MYH10: variants seen among roughly 807,000 people sequenced by gnomAD.
MYH10 encodes myosin heavy chain 10.
In MYH10, 55 loss-of-function variants were observed where a neutral mutation model predicts 257.8. The observed-to-expected ratio is 0.21, with a 90% CI of 0.17 to 0.27. The LOEUF (loss-of-function observed/expected upper bound fraction) is 0.27, where lower values mean the gene tolerates loss of function less well. MYH10 is among the 10% of genes least tolerant of loss of function. The pLI is 1.00. For missense variants in MYH10, 1,631 were observed against 2,500.6 expected, an observed-to-expected ratio of 0.65 and a Z score of 7.42; for synonymous variants, 854 against 921.7, an observed-to-expected ratio of 0.93 and a Z score of 1.33.
At chr17:8,607,409 A>G (rs1406496918) in intron 2 of MYH10, among the ~76,000 whole-genome samples, 2 of 152,260 alleles carry the variant, frequency 1.3e-5, no homozygotes, top group Non-Finnish European at 2.9e-5. Context: ...GAGGACTACA[A>G]TAAGAGAGAA....
intron 7 of MYH10, among the ~76,000 whole-genome samples, chr17:8,565,944 A>G (rs550577619): frequency 1.1e-4 from 17 of 152,366 alleles, no homozygotes; most frequent in African/African-American, 3.8e-4. Flanking sequence ...ACCTTAATTT[A>G]GACTATAATT....
At chr17:8,522,585 C>T (rs891637069) in intron 17 of MYH10, among the ~76,000 whole-genome samples, 1 of 152,210 alleles carries the variant, frequency 6.6e-6, no homozygotes, top group Non-Finnish European at 1.5e-5. Context: ...TCCCTCTTCA[C>T]TTGCCCCAGC....
At chr17:8,479,793 A>T (rs1388965515) in intron 40 of MYH10, among the ~76,000 whole-genome samples, 2 of 152,218 alleles carry the variant, frequency 1.3e-5, no homozygotes, top group Non-Finnish European at 2.9e-5. Context: ...CTGGCAGCAA[A>T]TTAGCATTTC....
intron 2 of MYH10, among the ~76,000 whole-genome samples, chr17:8,607,108 T>C (rs964625784): frequency 2.0e-5 from 3 of 152,364 alleles, no homozygotes; most frequent in African/African-American, 7.2e-5. Flanking sequence ...GTTTAATTTA[T>C]ATAACGTTAA....
At chr17:8,531,174 T>C (rs149826368) in intron 16 of MYH10, among the ~76,000 whole-genome samples, 12 of 152,258 alleles carry the variant, frequency 7.9e-5, no homozygotes, top group African/African-American at 2.2e-4. Context: ...GAAAAATAAT[T>C]TGAATACAAA....
chr17:8,510,954 C>G (rs1319378034), intron 24 of MYH10, among the ~76,000 whole-genome samples: 1 of 145,030 alleles, frequency 6.9e-6, no homozygotes, highest in African/African-American at 2.6e-5. Context: ...ATAGATTACC[C>G]CATTTTATAT....
At chr17:8,543,706 T>C (rs1306174741) in intron 13 of MYH10, among the ~76,000 whole-genome samples, 1 of 152,144 alleles carries the variant, frequency 6.6e-6, no homozygotes, top group Non-Finnish European at 1.5e-5. Flanking sequence ...ACTCCTGACC[T>C]CGTGATCCAC....
chr17:8,491,498 G>A (rs960211325), intron 34 of MYH10, among the ~76,000 whole-genome samples: 1 of 152,190 alleles, frequency 6.6e-6, no homozygotes, highest in Non-Finnish European at 1.5e-5. Context: ...TGGCCAGATG[G>A]CCCATAGCAC....
chr17:8,610,765 T>C (rs59785656), intron 2 of MYH10, among the ~76,000 whole-genome samples: 5,734 of 152,300 alleles, frequency 0.038, 366 homozygotes, highest in African/African-American at 0.13. Flanking sequence ...CCCCTTGACC[T>C]TGGACTTCCC....
At chr17:8,608,792 T>C (rs1450861743) in intron 2 of MYH10, among the ~76,000 whole-genome samples, 5 of 151,930 alleles carry the variant, frequency 3.3e-5, no homozygotes, top group African/African-American at 7.3e-5. Context: ...CCCATCTTCC[T>C]CTGTCTATGA....
At chr17:8,489,745 A>ACACACACC (rs1258993754) in intron 35 of MYH10, among the ~76,000 whole-genome samples, 20 of 150,794 alleles carry the variant, frequency 1.3e-4, no homozygotes, top group African/African-American at 4.7e-4. Flanking sequence ...ACACACACAC[A>ACACACACC]CCCCAAATCC....
intron 4 of MYH10, among the ~76,000 whole-genome samples, chr17:8,582,331 G>A (rs1007870231): frequency 1.3e-5 from 2 of 152,136 alleles, no homozygotes; most frequent in Non-Finnish European, 2.9e-5. Context: ...TGAACAACAG[G>A]CCAAGACCTC....
intron 1 of MYH10, among the ~76,000 whole-genome samples, chr17:8,624,790 A>AT (rs1301106639): frequency 1.3e-5 from 2 of 152,254 alleles, no homozygotes; most frequent in Non-Finnish European, 2.9e-5. Context: ...ACAATGGCCC[A>AT]TAACTGTTAT....
At position 8,492,797 on chromosome 17, in the gene MYH10, C is replaced by T. The variant is rs761511370; in HGVS notation, c.4437G>A (p.Lys1479=). The stretch of plus-strand genomic sequence containing the variant: ...CCACCTGGTCAAACTTCTTCTGCTT[C>T]TTCTCCAAGTTGGAGGCGACCTGGC... ...HQRQVASNLE[K]KQKKFDQLLA... is the part of the protein sequence containing the mutation. Residue 1479 remains lysine, a synonymous_variant, in exon 33 of 43, where the codon AAG becomes AAA. Coordinates refer to ENST00000360416, the MANE Select transcript of MYH10 (RefSeq NM_001256012.3). 1.2e-6 allele frequency: 2 copies of T among 1,613,900 alleles called. No individual in the cohort carries two copies. The highest frequency in any genetic ancestry group is 1.3e-5 in the African/African-American group (1 of 75,046).
In MYH10 at chr17:8,547,863, G is replaced by C. The variant is rs1426228307; in HGVS notation, c.1159+450C>G. Among the ~76,000 whole-genome samples, 5 of 145,114 alleles carry C rather than the reference G, an allele frequency of 3.4e-5. No individual in the cohort carries two copies. The East Asian group carries it at 7.8e-4, about 23-fold the overall frequency. On this transcript the variant is annotated intron_variant, in intron 11 of 42. Coordinates refer to ENST00000360416, the MANE Select transcript of MYH10 (RefSeq NM_001256012.3). ...ATTTGGGTCACAAACTTTTGTTCCT[G>C]ACCAATGCAAATTTAAAACCATTTT... is the stretch of plus-strand genomic sequence containing the variant.
At chr17:8,625,613 G>A (rs984776359) in intron 1 of MYH10, among the ~76,000 whole-genome samples, 143 of 152,192 alleles carry the variant, frequency 9.4e-4, no homozygotes, top group Admixed American at 4.6e-4. Flanking sequence ...CCAAGTAGCT[G>A]GGATTACAGG....
intron 3 of MYH10, among the ~76,000 whole-genome samples, chr17:8,604,230 T>C (rs767067314): frequency 5.3e-5 from 8 of 152,214 alleles, no homozygotes; most frequent in African/African-American, 4.8e-5. Context: ...TGAAGTCTTG[T>C]AGAGCAATAA....
At chr17:8,590,291 TC>T (rs1207101601) in intron 3 of MYH10, among the ~76,000 whole-genome samples, 1 of 152,184 alleles carries the variant, frequency 6.6e-6, no homozygotes, top group African/African-American at 2.4e-5. Flanking sequence ...CACAGTACTG[TC>T]CTGCTCAAGT....
chr17:8,599,241 T>A (rs944243583), intron 3 of MYH10, among the ~76,000 whole-genome samples: 3 of 152,234 alleles, frequency 2.0e-5, no homozygotes, highest in African/African-American at 7.2e-5. Context: ...GCCTGCTATA[T>A]GGAATAGACA....
Sources: gnomAD v4.1 joint callset for allele counts (sites outside exome capture counted in the v4.1 genomes callset) on GRCh38, gnomAD v4.1.1 for gene constraint, MANE v1.5 for transcripts, NCBI Gene and HGNC (gene_info 2026-07-23, HGNC 2026-07-21) for gene names.